SKAP2: variants seen among roughly 807,000 people sequenced by gnomAD.
The protein encoded by SKAP2 is src kinase associated phosphoprotein 2.
A neutral mutation model predicts 54.9 loss-of-function variants in SKAP2; 28 were observed. The observed-to-expected ratio is 0.51, with a 90% confidence interval of 0.38 to 0.70. The LOEUF (loss-of-function observed/expected upper bound fraction) is 0.70, where lower values mean the gene tolerates loss of function less well. SKAP2 is among the 30% of genes least tolerant of loss of function. The pLI, the probability that SKAP2 is intolerant of heterozygous loss-of-function variation, is 0.00. For missense variants in SKAP2, 356 were observed against 424.1 expected (o/e 0.84, Z 1.41); for synonymous variants, 137 against 134.3 (o/e 1.02, Z -0.14).
rs189861267 is a variant in SKAP2 at position 26,709,415 on chromosome 7, G to C, written c.796+16013C>G. On this transcript the variant is annotated intron_variant, in intron 9 of 12. Coordinates refer to ENST00000345317, the MANE Select transcript of SKAP2 (RefSeq NM_003930.5). ...AAGGGCTTAAAGTATGTCAGAGCTA[G>C]TACTAGGAGTGAGCAGCCTGAATCT... 9.2e-5 allele frequency among the ~76,000 whole-genome samples: 14 copies of C among 152,288 alleles called. No homozygotes were observed. In the East Asian group the frequency reaches 2.5e-3, roughly 27 times the overall value.
At chr7:26,748,820 C>T (rs1782614541) in intron 4 of SKAP2, among the ~76,000 whole-genome samples, 1 of 152,010 alleles carries the variant, frequency 6.6e-6, no homozygotes, top group Non-Finnish European at 1.5e-5. Flanking sequence ...AACAAAAGTG[C>T]CCCCAAACTG....
chr7:26,705,648 A>T (rs1460500099), intron 9 of SKAP2, among the ~76,000 whole-genome samples: 2 of 152,220 alleles, frequency 1.3e-5, no homozygotes, highest in Non-Finnish European at 2.9e-5. Context: ...GATTAAAAAA[A>T]CTCAACTAGA....
intron 4 of SKAP2, among the ~76,000 whole-genome samples, chr7:26,792,940 A>ACTAATTATTTC: frequency 6.6e-6 from 1 of 152,232 alleles, no homozygotes; most frequent in Admixed American, 6.5e-5. Flanking sequence ...ATATTAATCA[A>ACTAATTATTTC]TACATTGCAG....
At chr7:26,806,439 T>C (rs1030066002) in intron 4 of SKAP2, among the ~76,000 whole-genome samples, 7 of 152,200 alleles carry the variant, frequency 4.6e-5, no homozygotes, top group African/African-American at 1.4e-4. Context: ...AAGCCAGGTA[T>C]GGCGTTATAT....
intron 7 of SKAP2, among the ~76,000 whole-genome samples, 165 bp from the exon 8 acceptor site, chr7:26,726,151 T>C (rs567453983): frequency 2.0e-5 from 3 of 152,300 alleles, no homozygotes; most frequent in East Asian, 1.9e-4. Context: ...GACAAATTTA[T>C]GCAATTGAAG....
chr7:26,828,961 A>G (rs959981422), intron 4 of SKAP2, among the ~76,000 whole-genome samples: 2 of 152,012 alleles, frequency 1.3e-5, no homozygotes, highest in African/African-American at 4.8e-5. Context: ...CAGTGGGGGC[A>G]GAGGTTGCGG....
At chr7:26,806,668 G>A (rs1385121853) in intron 4 of SKAP2, among the ~76,000 whole-genome samples, 3 of 152,202 alleles carry the variant, frequency 2.0e-5, no homozygotes, top group Non-Finnish European at 4.4e-5. Flanking sequence ...CTGCTCTAGT[G>A]AATACACAAA....
chr7:26,747,086 AGGCACCTCAAACAATAATCACTGC>A (rs1436603222), intron 4 of SKAP2, among the ~76,000 whole-genome samples: 2 of 152,184 alleles, frequency 1.3e-5, no homozygotes, highest in Non-Finnish European at 2.9e-5. Context: ...TATATTCAAC[AGGCACCTCAAACAATAATCACTGC>A]CGTAACTCTA....
intron 4 of SKAP2, among the ~76,000 whole-genome samples, chr7:26,744,074 A>G (rs1584363786): frequency 6.6e-6 from 1 of 152,306 alleles, no homozygotes; most frequent in South Asian, 2.1e-4. Flanking sequence ...TACAAAGTAT[A>G]CAAATTGATA....
intron 4 of SKAP2, among the ~76,000 whole-genome samples, chr7:26,754,134 C>T (rs527270753): frequency 2.0e-5 from 3 of 152,064 alleles, no homozygotes; most frequent in Admixed American, 6.6e-5. Flanking sequence ...GAGGCTGAGG[C>T]GAGTGGATCA....
intron 10 of SKAP2, 92 bp from the exon 11 acceptor site, chr7:26,684,940 G>A (rs1451328256): frequency 1.4e-6 from 1 of 719,012 alleles, no homozygotes; most frequent in Non-Finnish European, 2.4e-6. Flanking sequence ...TGATGCCCTA[G>A]ATCACTAAAA....
chr7:26,816,991 T>A (rs79396573), intron 4 of SKAP2, among the ~76,000 whole-genome samples: 3,503 of 152,236 alleles, frequency 0.023, 100 homozygotes, highest in African/African-American at 0.059. Context: ...TGAGAGGATA[T>A]GCTTTACCTA....
chr7:26,704,687 G>C (rs1300998501), intron 9 of SKAP2, among the ~76,000 whole-genome samples: 1 of 152,142 alleles, frequency 6.6e-6, no homozygotes, highest in Non-Finnish European at 1.5e-5. Flanking sequence ...CTGTAGAAAG[G>C]GGCTGCCAAA....
intron 4 of SKAP2, among the ~76,000 whole-genome samples, chr7:26,821,974 T>C (rs1784391664): frequency 6.6e-6 from 1 of 152,238 alleles, no homozygotes; most frequent in Admixed American, 6.5e-5. Context: ...CTGCTTAATC[T>C]GATACATTAG....
intron 11 of SKAP2, among the ~76,000 whole-genome samples, chr7:26,675,877 T>C (rs557791117): frequency 6.6e-6 from 1 of 152,302 alleles, no homozygotes; most frequent in South Asian, 2.1e-4. Flanking sequence ...TTAAATCCCA[T>C]GTGCAGAAAG....
At chr7:26,765,972 T>C (rs932942820) in intron 4 of SKAP2, among the ~76,000 whole-genome samples, 3 of 152,208 alleles carry the variant, frequency 2.0e-5, no homozygotes, top group Non-Finnish European at 2.9e-5. Context: ...TGGTTCCATA[T>C]GAAATTTACA....
At chr7:26,678,011 G>C (rs1193757363) in intron 11 of SKAP2, among the ~76,000 whole-genome samples, 3 of 152,190 alleles carry the variant, frequency 2.0e-5, no homozygotes, top group Non-Finnish European at 4.4e-5. Context: ...AAAGTAGAAA[G>C]AGAAAAGGCT....
intron 11 of SKAP2, among the ~76,000 whole-genome samples, chr7:26,676,257 T>C (rs1786347157): frequency 6.6e-6 from 1 of 152,242 alleles, no homozygotes; most frequent in Non-Finnish European, 1.5e-5. Context: ...TGTAAAGTTG[T>C]TGAGGCCAGA....
At chr7:26,753,978 C>T (rs12700762) in intron 4 of SKAP2, among the ~76,000 whole-genome samples, 70,088 of 151,920 alleles carry the variant, frequency 0.46, 17,083 homozygotes, top group East Asian at 0.59. Flanking sequence ...TTTATAACCA[C>T]CAACATGAAG....
Sources: allele counts gnomAD v4.1 joint callset (sites outside exome capture counted in the v4.1 genomes callset), GRCh38; gene constraint gnomAD v4.1.1; transcripts MANE v1.5; gene names NCBI Gene and HGNC (gene_info 2026-07-23, HGNC 2026-07-21).